SPIDR: variants seen among roughly 807,000 people sequenced by gnomAD.
The protein encoded by SPIDR is DNA repair-scaffolding protein.
Under a neutral mutation model 104.6 loss-of-function variants are expected in SPIDR, and 93 were observed. That is an observed-to-expected ratio of 0.89 (90% CI 0.75 to 1.06). The LOEUF is 1.06. Among genes scored for constraint, SPIDR ranks in the 50% least tolerant of loss-of-function variants. The pLI is 0.00. For synonymous variants in SPIDR, 431 were observed against 416.9 expected (o/e 1.03, Z -0.41); for missense variants, 1,154 against 1,111.2 (o/e 1.04, Z -0.55).
intron 7 of SPIDR, among the ~76,000 whole-genome samples, chr8:47,438,230 C>T (rs2068725402): frequency 6.6e-6 from 1 of 152,194 alleles, no homozygotes; most frequent in Non-Finnish European, 1.5e-5. Context: ...CCATGGAGCC[C>T]TGACAGCTGC....
At chr8:47,301,570 C>G (rs2042094599) in intron 5 of SPIDR, among the ~76,000 whole-genome samples, 2 of 149,742 alleles carry the variant, frequency 1.3e-5, no homozygotes, top group African/African-American at 4.9e-5. Flanking sequence ...CATGTTTTTG[C>G]AGTGGCTGGT....
At chr8:47,726,612 G>C (rs1045236806) in intron 16 of SPIDR, among the ~76,000 whole-genome samples, 2 of 152,200 alleles carry the variant, frequency 1.3e-5, no homozygotes, top group Non-Finnish European at 2.9e-5. Flanking sequence ...GCCCGCCCTG[G>C]CTGTCTTGTG....
At chr8:47,551,384 T>C (rs2090448702) in intron 8 of SPIDR, among the ~76,000 whole-genome samples, 1 of 152,218 alleles carries the variant, frequency 6.6e-6, no homozygotes, top group South Asian at 2.1e-4. Flanking sequence ...AATTTGGCTG[T>C]GAATCCATCT....
intron 10 of SPIDR, among the ~76,000 whole-genome samples, chr8:47,666,145 T>C (rs2154465883): frequency 6.6e-6 from 1 of 152,306 alleles, no homozygotes; most frequent in East Asian, 1.9e-4. Flanking sequence ...TGCTGTCCAA[T>C]AGGGTGGCTA....
intron 5 of SPIDR, among the ~76,000 whole-genome samples, chr8:47,384,824 T>C (rs1212037775): frequency 6.6e-6 from 1 of 152,224 alleles, no homozygotes; most frequent in Non-Finnish European, 1.5e-5. Context: ...TTTGTTTATC[T>C]AGATGGCCTA....
In SPIDR at chr8:47,333,468, AT is replaced by A. The variant is rs202236118; in HGVS notation, c.525+39445del. Among the ~76,000 whole-genome samples, 476 of 151,580 alleles carry A rather than the reference AT, an allele frequency of 3.1e-3. 1 individual carries two copies. Among genetic ancestry groups the A allele is most frequent in the African/African-American group, 0.011 (460 of 41,316 alleles). ...AGGCATGCACCACTACACCTGGCTAATTTTTTTGTATTTTTAGTAGAGACAG... is the reference window on the plus strand; with the variant it reads ...AGGCATGCACCACTACACCTGGCTAATTTTTTGTATTTTTAGTAGAGACAG... On this transcript the variant is annotated intron_variant, in intron 5 of 19. Coordinates refer to ENST00000297423, the MANE Select transcript of SPIDR (RefSeq NM_001080394.4).
At chr8:47,431,452 G>A (rs1439010867) in intron 7 of SPIDR, among the ~76,000 whole-genome samples, 6 of 152,140 alleles carry the variant, frequency 3.9e-5, no homozygotes, top group Non-Finnish European at 7.3e-5. Context: ...TTATTCTCAC[G>A]TGGAATTTCT....
intron 3 of SPIDR, among the ~76,000 whole-genome samples, chr8:47,284,805 TCCACTAAAGATA>T (rs2038500104): frequency 6.6e-6 from 1 of 152,196 alleles, no homozygotes; most frequent in African/African-American, 2.4e-5. Flanking sequence ...AACGGTCACC[TCCACTAAAGATA>T]CTTTAGTGAA....
At chr8:47,551,964 G>T (rs4873386) in intron 8 of SPIDR, among the ~76,000 whole-genome samples, 102,614 of 152,030 alleles carry the variant, frequency 0.67, 34,964 homozygotes, top group East Asian at 0.81. Flanking sequence ...GATTCTGTTA[G>T]GTTGTGCCTT....
At chr8:47,335,940 G>A (rs1355856404) in intron 5 of SPIDR, among the ~76,000 whole-genome samples, 4 of 149,080 alleles carry the variant, frequency 2.7e-5, no homozygotes, top group African/African-American at 9.9e-5. Flanking sequence ...TTTTAATTCT[G>A]CATTTGTCTA....
intron 3 of SPIDR, among the ~76,000 whole-genome samples, chr8:47,288,898 C>A (rs912492552): frequency 4.2e-4 from 64 of 152,244 alleles, no homozygotes; most frequent in Admixed American, 3.1e-3. Context: ...GTGGAACATT[C>A]CATTTTTTTT....
intron 14 of SPIDR, 78 bp downstream of exon 14, chr8:47,702,093 TCTCTTA>T (rs765256843): frequency 0.027 from 2,078 of 77,672 alleles, 111 homozygotes; most frequent in South Asian, 0.046. Flanking sequence ...TCTCTCTCTC[TCTCTTA>T]CACACACACA....
intron 8 of SPIDR, among the ~76,000 whole-genome samples, chr8:47,451,874 C>A (rs191115882): frequency 3.3e-5 from 5 of 152,210 alleles, no homozygotes; most frequent in East Asian, 1.9e-4. Flanking sequence ...GCCAGCCCCT[C>A]AGTGATCAAG....
intron 5 of SPIDR, among the ~76,000 whole-genome samples, chr8:47,298,971 T>C (rs1554574970): frequency 6.6e-6 from 1 of 152,180 alleles, no homozygotes; most frequent in Non-Finnish European, 1.5e-5. Context: ...TTTAAAGTAG[T>C]TTTTTCCAAT....
intron 5 of SPIDR, among the ~76,000 whole-genome samples, chr8:47,374,869 C>T (rs1000589562): frequency 3.9e-5 from 6 of 152,150 alleles, no homozygotes; most frequent in Non-Finnish European, 7.3e-5. Flanking sequence ...CCAGCCTGGC[C>T]AACATGGTGA....
At chr8:47,553,807 C>G (rs566367201) in intron 8 of SPIDR, among the ~76,000 whole-genome samples, 6 of 152,304 alleles carry the variant, frequency 3.9e-5, no homozygotes, top group African/African-American at 1.4e-4. Context: ...AACTGTCTTC[C>G]TTTGGAGGAG....
intron 5 of SPIDR, among the ~76,000 whole-genome samples, chr8:47,320,133 C>G (rs1424117415): frequency 6.6e-6 from 1 of 152,004 alleles, no homozygotes; most frequent in East Asian, 1.9e-4. Context: ...CATAAAAAAC[C>G]CTTCAAAAAA....
At chr8:47,478,484 A>G (rs1324202466) in intron 8 of SPIDR, among the ~76,000 whole-genome samples, 1 of 152,160 alleles carries the variant, frequency 6.6e-6, no homozygotes, top group Admixed American at 6.5e-5. Flanking sequence ...TTGAGTGCAG[A>G]TGAACTAACT....
chr8:47,417,741 G>A (rs2064620211), intron 7 of SPIDR, among the ~76,000 whole-genome samples: 2 of 152,136 alleles, frequency 1.3e-5, no homozygotes, highest in Admixed American at 6.5e-5. Context: ...TTCTTCTAGG[G>A]TTTTTATGGT....
Sources: allele counts gnomAD v4.1 joint callset (sites outside exome capture counted in the v4.1 genomes callset), GRCh38; gene constraint gnomAD v4.1.1; transcripts MANE v1.5; gene names NCBI Gene and HGNC (gene_info 2026-07-23, HGNC 2026-07-21).